BOC: variants seen among roughly 807,000 people sequenced by gnomAD.
BOC encodes brother of CDO.
In BOC, 76 loss-of-function variants were observed where a neutral mutation model predicts 112.0. That is an observed-to-expected ratio of 0.68 (90% CI 0.56 to 0.82). The LOEUF is 0.82. Ranked by LOEUF, BOC falls within the 40% of genes least tolerant of loss-of-function variation. The probability of loss-of-function intolerance (pLI) is 0.00; values close to 1 mark genes in which losing one functional copy is unlikely to be tolerated. For synonymous variants in BOC, 580 were observed against 599.8 expected (o/e 0.97, Z 0.48); for missense variants, 1,309 against 1,511.7 (o/e 0.87, Z 2.22).
At chr3:113,280,325 G>A (rs890711551) in intron 13 of BOC, among the ~76,000 whole-genome samples, 1 of 151,998 alleles carries the variant, frequency 6.6e-6, no homozygotes, top group Non-Finnish European at 1.5e-5. Context: ...TTGGAGAAAT[G>A]GCAATTTGTT....
At chr3:113,280,333 GT>G (rs1949075089) in intron 13 of BOC, among the ~76,000 whole-genome samples, 1 of 152,176 alleles carries the variant, frequency 6.6e-6, no homozygotes, top group African/African-American at 2.4e-5. Context: ...ATGGCAATTT[GT>G]TTCTTCTCTT....
chr3:113,234,958 C>T (rs1182242091), intron 2 of BOC, among the ~76,000 whole-genome samples: 1 of 152,182 alleles, frequency 6.6e-6, no homozygotes, highest in East Asian at 1.9e-4. Context: ...TAGGCACTTT[C>T]AGCTGGAGTC....
intron 11 of BOC, 93 bp from the exon 12 acceptor site, chr3:113,279,156 A>G (rs1258944860): frequency 1.1e-5 from 14 of 1,326,252 alleles, no homozygotes; most frequent in Non-Finnish European, 1.4e-5. Flanking sequence ...GGAGCAGGCC[A>G]GGCCCAGTGG....
chr3:113,238,072 C>A (rs1252175167), intron 2 of BOC, among the ~76,000 whole-genome samples: 1 of 152,118 alleles, frequency 6.6e-6, no homozygotes, highest in Non-Finnish European at 1.5e-5. Flanking sequence ...GTGTGAGATG[C>A]TACGGGAACC....
In BOC at chr3:113,273,319, C is replaced by A. The variant is rs1948341524; in HGVS notation, c.1212C>A (p.Val404=). The A allele has an allele frequency of 6.3e-7, 1 of 1,594,384 alleles. No individual in the cohort carries two copies. The highest frequency in any genetic ancestry group is 8.6e-7 in the Non-Finnish European group (1 of 1,164,518). ...ENEVGSAHAV[V]QLRTSRPSIT... is the part of the protein sequence containing the mutation. ...AGGTTGGGAGCGCCCATGCCGTAGT[C>A]CAGCTGCGGACCTCCAGGCCAAGTG... Residue 404 remains valine, a synonymous_variant, in exon 8 of 20, where the codon GTC becomes GTA. Coordinates refer to ENST00000682979, the MANE Select transcript of BOC (RefSeq NM_001378074.1).
At chr3:113,237,565 G>C (rs1943735552) in intron 2 of BOC, among the ~76,000 whole-genome samples, 1 of 152,170 alleles carries the variant, frequency 6.6e-6, no homozygotes, top group African/African-American at 2.4e-5. Context: ...AGATGAGAAG[G>C]AAAACAAAAG....
chr3:113,215,540 CT>C (rs1939194707), intron 1 of BOC, among the ~76,000 whole-genome samples: 1 of 152,198 alleles, frequency 6.6e-6, no homozygotes, highest in East Asian at 1.9e-4. Flanking sequence ...ACTCCACCAT[CT>C]TTTTCATTCC....
At chr3:113,239,525 C>A (rs1944012853) in intron 2 of BOC, among the ~76,000 whole-genome samples, 1 of 152,344 alleles carries the variant, frequency 6.6e-6, no homozygotes, top group South Asian at 2.1e-4. Context: ...CCCTGCCTTC[C>A]TTATGAGTTG....
rs565408329 is a variant in BOC, at chr3:113,250,663, G to T, written c.206G>T (p.Arg69Leu). ...VEPPRMNVTW[R>L]LNGKELNGSD... ...CCTCCAAGGATGAATGTAACCTGGCGCCTGAATGGAAAGGAGCTGAATGGC... is the reference window on the plus strand; with the variant it reads ...CCTCCAAGGATGAATGTAACCTGGCTCCTGAATGGAAAGGAGCTGAATGGC... Residue 69 changes from arginine to leucine, a missense_variant, in exon 4 of 20, where the codon CGC (arginine) becomes CTC (leucine). Coordinates refer to ENST00000682979, the MANE Select transcript of BOC (RefSeq NM_001378074.1). 4 of 1,614,052 alleles carry T rather than the reference G, an allele frequency of 2.5e-6. No individual in the cohort carries two copies. The highest frequency in any genetic ancestry group is 1.7e-5 in the Admixed American group (1 of 60,000).
intron 2 of BOC, among the ~76,000 whole-genome samples, chr3:113,230,217 C>T (rs1942385064): frequency 6.6e-6 from 1 of 152,140 alleles, no homozygotes; most frequent in South Asian, 2.1e-4. Context: ...TATTTCAATA[C>T]TCAGACACTC....
intron 2 of BOC, among the ~76,000 whole-genome samples, chr3:113,248,851 T>C (rs988756636): frequency 6.6e-6 from 1 of 152,142 alleles, no homozygotes; most frequent in African/African-American, 2.4e-5. Flanking sequence ...AGGTGCAGTG[T>C]GGTCTGAGCC....
chr3:113,254,802 G>A (rs964943159), intron 4 of BOC, among the ~76,000 whole-genome samples: 2 of 152,200 alleles, frequency 1.3e-5, no homozygotes, highest in African/African-American at 4.8e-5. Flanking sequence ...TATAGGTCAT[G>A]GGGCTTAGGA....
chr3:113,284,304 T>C, intron 16 of BOC, 31 bp from the exon 17 acceptor site: 1 of 1,598,012 alleles, frequency 6.3e-7, no homozygotes, highest in Non-Finnish European at 8.6e-7. Context: ...TACCTTGGCC[T>C]AAGCACACCT....
At chr3:113,271,263 T>A in intron 6 of BOC, 1 of 531,174 alleles carries the variant, frequency 1.9e-6, no homozygotes, top group South Asian at 1.5e-5. Flanking sequence ...GTGGGTCTTG[T>A]CTCAAGCTCA....
chr3:113,264,662 C>T (rs1211624677), intron 4 of BOC, among the ~76,000 whole-genome samples: 46 of 152,156 alleles, frequency 3.0e-4, no homozygotes, highest in Admixed American at 3.0e-3. Context: ...TCCCTGGCCC[C>T]CTTCCTGTCC....
chr3:113,272,324 A>G (rs751628448), intron 6 of BOC, 86 bp from the exon 7 acceptor site: 16 of 1,452,210 alleles, frequency 1.1e-5, no homozygotes, highest in Non-Finnish European at 1.3e-5. Flanking sequence ...TCCCATCTCC[A>G]TGCTCTCTGG....
intron 14 of BOC, 100 bp downstream of exon 14, chr3:113,280,763 C>T (rs1290199017): frequency 1.0e-5 from 11 of 1,058,512 alleles, no homozygotes; most frequent in African/African-American, 4.7e-5. Flanking sequence ...CATAAACCTG[C>T]ATCTGGTGTG....
In BOC at chr3:113,287,322, T is replaced by C. The variant is rs1949773883; in HGVS notation, c.*460T>C. Reference sequence around the variant, plus strand: ...GGGAAACATTTTCCTAAGATGCCCATGAGAACAGACCAAGATGTGTACAGC... The same window carrying C: ...GGGAAACATTTTCCTAAGATGCCCACGAGAACAGACCAAGATGTGTACAGC... On this transcript the variant is annotated 3_prime_UTR_variant, in exon 20 of 20. Transcript: ENST00000682979. The C allele has an allele frequency of 1.3e-5, 4 of 305,354 alleles. No homozygotes were observed. In the Admixed American group the frequency reaches 1.8e-4, roughly 14 times the overall value. 18.9% of individuals were successfully genotyped at this position (305,354 alleles called of 1,614,324 possible).
chr3:113,226,532 G>A (rs933292028), intron 2 of BOC, among the ~76,000 whole-genome samples: 2 of 152,218 alleles, frequency 1.3e-5, no homozygotes, highest in Admixed American at 6.5e-5. Context: ...TTGAAAGTCA[G>A]GAAGTAAAGA....
Sources: gnomAD v4.1 joint callset for allele counts (sites outside exome capture counted in the v4.1 genomes callset) on GRCh38, gnomAD v4.1.1 for gene constraint, MANE v1.5 for transcripts, NCBI Gene and HGNC (gene_info 2026-07-23, HGNC 2026-07-21) for gene names.